Variants in TMEM123 observed in about 807,000 individuals in gnomAD.
TMEM123 encodes transmembrane protein 123, also known as porimin.
TMEM123 carries 16 observed loss-of-function variants against 19.7 expected under a neutral mutation model. The ratio of observed to expected loss-of-function variants is 0.81; its 90% confidence interval spans 0.55 to 1.23. The LOEUF is 1.23. Ranked by LOEUF, TMEM123 falls within the 50% of genes most tolerant of loss-of-function variation. The probability of loss-of-function intolerance (pLI) is 0.00; values close to 1 mark genes in which losing one functional copy is unlikely to be tolerated. For synonymous variants in TMEM123, 118 were observed against 99.4 expected (o/e 1.19, Z -1.12); for missense variants, 313 against 257.8 (o/e 1.21, Z -1.47).
intron 2 of TMEM123, among the ~76,000 whole-genome samples, chr11:102,419,900 C>T (rs747695509): frequency 6.6e-5 from 10 of 152,202 alleles, no homozygotes; most frequent in Non-Finnish European, 8.8e-5. Flanking sequence ...AAATGAACTG[C>T]TTCTCCCTTG....
chr11:102,431,454 T>G (rs961902861), intron 2 of TMEM123, among the ~76,000 whole-genome samples: 9 of 152,224 alleles, frequency 5.9e-5, no homozygotes, highest in Non-Finnish European at 1.0e-4. Context: ...CACGATAAAC[T>G]ATATTCACTA....
At chr11:102,405,649 T>C (rs1686693901) in intron 2 of TMEM123, among the ~76,000 whole-genome samples, 1 of 152,096 alleles carries the variant, frequency 6.6e-6, no homozygotes, top group African/African-American at 2.4e-5. Context: ...AATAAAACAA[T>C]GAACACAATG....
Position 102,397,579 on chromosome 11 carries a change from C to T in TMEM123, c.*1288G>A, listed in dbSNP as rs1226066914. 1.3e-5 allele frequency: 2 copies of T among 152,150 alleles called. No individual in the cohort carries two copies. The highest frequency in any genetic ancestry group is 3.8e-4 in the East Asian group (2 of 5,200). The allele number at this position is 152,150 out of a possible 1,614,324, so 9.4% of individuals were successfully genotyped here. ...CATTAACATAATGCATCTGAGAGTA[C>T]TTCTCCTTCAGCATGGAGTAAGAGG... On this transcript the variant is annotated 3_prime_UTR_variant, in exon 5 of 5. Coordinates refer to ENST00000398136, the MANE Select transcript of TMEM123 (RefSeq NM_052932.3).
Position 102,452,447 on chromosome 11 carries a change from A to G in TMEM123, c.100+77T>C, listed in dbSNP as rs865906161. ...ACACACGCGGAACTTTCTGTACCAG[A>G]GCCCAACTTGGGAACCCAAGCCTCG... On this transcript the variant is annotated intron_variant, in intron 1 of 4. Transcript: ENST00000398136. The G allele has an allele frequency of 4.8e-6, 6 of 1,248,956 alleles. No individual in the cohort carries two copies. In the Middle Eastern group the frequency reaches 8.5e-4, roughly 177 times the overall value. The allele number at this position is 1,248,956 out of a possible 1,614,324, so 77.4% of individuals were successfully genotyped here.
chr11:102,451,606 T>C (rs1857939862), intron 1 of TMEM123, among the ~76,000 whole-genome samples: 2 of 152,270 alleles, frequency 1.3e-5, no homozygotes, highest in South Asian at 2.1e-4. Context: ...ACTTAACTTA[T>C]CCTAGTTTAC....
At chr11:102,422,314 A>G (rs1952093924) in intron 2 of TMEM123, among the ~76,000 whole-genome samples, 1 of 152,100 alleles carries the variant, frequency 6.6e-6, no homozygotes, top group Admixed American at 6.5e-5. Context: ...TCTCTACTAA[A>G]GAATACAAAA....
chr11:102,405,658 T>C (rs949595449), intron 2 of TMEM123, among the ~76,000 whole-genome samples: 31 of 152,110 alleles, frequency 2.0e-4, no homozygotes, highest in African/African-American at 6.0e-4. Context: ...ATGAACACAA[T>C]GCTGCTTTCG....
At chr11:102,413,996 A>C (rs1565349616) in intron 2 of TMEM123, among the ~76,000 whole-genome samples, 1 of 152,210 alleles carries the variant, frequency 6.6e-6, no homozygotes, top group African/African-American at 2.4e-5. Flanking sequence ...GAAACACAAA[A>C]TAGCAATTTT....
chr11:102,405,576 G>A (rs1204815616), intron 2 of TMEM123, among the ~76,000 whole-genome samples: 1 of 152,084 alleles, frequency 6.6e-6, no homozygotes, highest in African/African-American at 2.4e-5. Flanking sequence ...CTATTGCAAT[G>A]AAATTAAATA....
Position 102,441,485 on chromosome 11 carries a change from T to C in TMEM123, c.157+7327A>G, listed in dbSNP as rs1185293315. ...ATGAAGGCAGAAATAAAGATGTTAT[T>C]TAAACCCAATGAGGACAAAGACACA... On this transcript the variant is annotated intron_variant, in intron 2 of 4. Coordinates refer to ENST00000398136, the MANE Select transcript of TMEM123 (RefSeq NM_052932.3). Among the ~76,000 whole-genome samples, 6 of 152,088 alleles carry C rather than the reference T, an allele frequency of 3.9e-5. No individual in the cohort carries two copies. In the East Asian group the frequency reaches 1.2e-3, roughly 29 times the overall value.
At chr11:102,449,084 C>A in intron 1 of TMEM123, 1 of 489,710 alleles carries the variant, frequency 2.0e-6, no homozygotes, top group Non-Finnish European at 3.8e-6. Context: ...AAACATCTAG[C>A]TTACATAACA....
intron 2 of TMEM123, among the ~76,000 whole-genome samples, chr11:102,431,536 TC>T (rs758278501): frequency 5.9e-5 from 9 of 152,150 alleles, no homozygotes; most frequent in Non-Finnish European, 8.8e-5. Flanking sequence ...AACCATCATC[TC>T]CCCTTTTTCC....
chr11:102,406,126 A>C (rs989228955), intron 2 of TMEM123, among the ~76,000 whole-genome samples: 1 of 152,162 alleles, frequency 6.6e-6, no homozygotes, highest in Admixed American at 6.5e-5. Context: ...AGAATGGACC[A>C]TCCCTGTGGG....
At chr11:102,447,040 A>T (rs1222909883) in intron 2 of TMEM123, among the ~76,000 whole-genome samples, 1 of 152,248 alleles carries the variant, frequency 6.6e-6, no homozygotes, top group African/African-American at 2.4e-5. Flanking sequence ...ATGTTTCAAA[A>T]GTGTTTTCAA....
chr11:102,407,000 G>C (rs928088404), intron 2 of TMEM123, among the ~76,000 whole-genome samples: 3 of 152,084 alleles, frequency 2.0e-5, no homozygotes, highest in Non-Finnish European at 2.9e-5. Context: ...AGCTGAAGGG[G>C]GAGGCTTAGC....
rs1483289673 is a variant in TMEM123, at chr11:102,397,127, T to C, written c.*1740A>G. On this transcript the variant is annotated 3_prime_UTR_variant, in exon 5 of 5. Transcript: ENST00000398136. ...TAATCTAAATGTATTTTTCAGAAAA[T>C]TTCCTCCATACTCCATGTATGTGTT... 1 of 152,156 alleles carries C rather than the reference T, an allele frequency of 6.6e-6. No individual in the cohort carries two copies. Among genetic ancestry groups the C allele is most frequent in the Non-Finnish European group, 1.5e-5 (1 of 68,002 alleles). The allele number at this position is 152,156 out of a possible 1,614,324, so 9.4% of individuals were successfully genotyped here.
At chr11:102,440,573 C>CT (rs1371711196) in intron 2 of TMEM123, among the ~76,000 whole-genome samples, 1 of 152,174 alleles carries the variant, frequency 6.6e-6, no homozygotes, top group East Asian at 1.9e-4. Context: ...AAAGGAACAA[C>CT]CGTACCAGCC....
At chr11:102,420,451 C>T (rs758979326) in intron 2 of TMEM123, among the ~76,000 whole-genome samples, 3 of 152,150 alleles carry the variant, frequency 2.0e-5, no homozygotes, top group East Asian at 1.9e-4. Flanking sequence ...CATTCTGCAC[C>T]GAACGCTGTT....
intron 2 of TMEM123, among the ~76,000 whole-genome samples, chr11:102,427,655 G>A (rs555729205): frequency 2.0e-5 from 3 of 151,668 alleles, no homozygotes; most frequent in East Asian, 1.9e-4. Flanking sequence ...TGGCCAATAC[G>A]GTGAAACCCT....
Sources: allele counts gnomAD v4.1 joint callset (sites outside exome capture counted in the v4.1 genomes callset), GRCh38; gene constraint gnomAD v4.1.1; transcripts MANE v1.5; gene names NCBI Gene and HGNC (gene_info 2026-07-23, HGNC 2026-07-21).